The following SYNJ2 variants were observed in gnomAD, a reference collection of about 807,000 sequenced individuals.
SYNJ2 encodes synaptojanin 2.
A neutral mutation model predicts 141.3 loss-of-function variants in SYNJ2; 116 were observed. That is an observed-to-expected ratio of 0.82 (90% CI 0.71 to 0.96). SYNJ2 has a LOEUF of 0.96. Ranked by LOEUF, SYNJ2 falls within the 40% of genes least tolerant of loss-of-function variation. The pLI is 0.00. For synonymous variants in SYNJ2, 745 were observed against 777.7 expected (o/e 0.96, Z 0.70); for missense variants, 1,873 against 1,934.8 (o/e 0.97, Z 0.60).
In SYNJ2 at chr6:158,035,375, A is replaced by G. The variant is rs184202260; in HGVS notation, c.711+1695A>G. On this transcript the variant is annotated intron_variant, in intron 4 of 26. Transcript: ENST00000355585. ...CTTTGAGCAGTGTTTTGTAATTCTC[A>G]TTGTAGAGATCTTTCACCTCCCTCA... 1.2e-4 allele frequency among the ~76,000 whole-genome samples: 19 copies of G among 152,202 alleles called. No individual in the cohort carries two copies. The East Asian group carries it at 3.1e-3, about 25-fold the overall frequency.
rs1221315298 is a variant in SYNJ2, at chr6:158,043,806, G to A, written c.795+407G>A. Among the ~76,000 whole-genome samples, 2 of 152,176 alleles carry A rather than the reference G, an allele frequency of 1.3e-5. No homozygotes were observed. The highest frequency in any genetic ancestry group is 2.4e-5 in the African/African-American group (1 of 41,446). ...GGCTTCAGGAAGGCTCTGTGGCTGC[G>A]TAGGTCTGGCACCCGGTGCTGCCTG... is the stretch of plus-strand genomic sequence containing the variant. On this transcript the variant is annotated intron_variant, in intron 5 of 26. Transcript: ENST00000355585. This position sits in a 1 kb window ranked among gnomAD's most constrained non-coding sequence, Gnocchi z 4.0.
intron 2 of SYNJ2, 88 bp downstream of exon 2, chr6:158,017,378 C>T (rs537877786): frequency 8.9e-7 from 1 of 1,125,532 alleles, no homozygotes; most frequent in East Asian, 2.9e-5. Context: ...TGCAGGCATT[C>T]TGTTTGACCG....
chr6:158,051,105 T>C (rs888650419), intron 5 of SYNJ2, among the ~76,000 whole-genome samples: 17 of 152,288 alleles, frequency 1.1e-4, no homozygotes, highest in African/African-American at 4.1e-4. Flanking sequence ...GGGTTATGAC[T>C]CAGGGAGAGA....
intron 4 of SYNJ2, among the ~76,000 whole-genome samples, chr6:158,035,310 T>C (rs1194412065): frequency 6.6e-6 from 1 of 152,250 alleles, no homozygotes; most frequent in Non-Finnish European, 1.5e-5. Flanking sequence ...TTCTTATCCA[T>C]GAGGATGGAA....
chr6:157,984,315 A>G (rs1777119064), intron 1 of SYNJ2, among the ~76,000 whole-genome samples: 1 of 152,256 alleles, frequency 6.6e-6, no homozygotes, highest in Admixed American at 6.5e-5. Context: ...ACTATTGGAT[A>G]AAATGGCTCT....
Position 158,070,037 on chromosome 6 carries a change from T to G in SYNJ2, c.1940+364T>G. 1.5e-6 allele frequency: 1 copy of G among 671,688 alleles called. No individual in the cohort carries two copies. The highest frequency in any genetic ancestry group is 1.9e-6 in the Non-Finnish European group (1 of 538,498). The allele number at this position is 671,688 out of a possible 1,614,324, so 41.6% of individuals were successfully genotyped here. On this transcript the variant is annotated intron_variant, in intron 14 of 26. Coordinates refer to ENST00000355585, the MANE Select transcript of SYNJ2 (RefSeq NM_003898.4). The surrounding 1 kb of genome is among the most constrained non-coding windows in gnomAD (Gnocchi z 4.0). ...ACTCACTGGGAAATGCCAACTCTTT[T>G]GTCCCTTTTTAAAAGAATTCTAAGT... is the stretch of plus-strand genomic sequence containing the variant.
At chr6:158,020,139 A>C (rs1778680894) in intron 2 of SYNJ2, among the ~76,000 whole-genome samples, 1 of 124,960 alleles carries the variant, frequency 8.0e-6, no homozygotes. Context: ...ACTCTGCGTG[A>C]CTCCAACTGT....
intron 1 of SYNJ2, among the ~76,000 whole-genome samples, chr6:158,008,819 C>G (rs957466633): frequency 6.6e-6 from 1 of 152,236 alleles, no homozygotes; most frequent in Non-Finnish European, 1.5e-5. Flanking sequence ...TTCCTTCTCT[C>G]CTTGTTCCTC....
rs933229141 is a variant in SYNJ2 at position 158,059,554 on chromosome 6, TTC to T, written c.954+203_954+204del. 6.1e-6 allele frequency: 8 copies of T among 1,320,330 alleles called. No individual in the cohort carries two copies. The African/African-American group carries it at 7.6e-5, about 13-fold the overall frequency. The allele number at this position is 1,320,330 out of a possible 1,614,324, so 81.8% of individuals were successfully genotyped here. A position where few individuals can be genotyped will look rare whatever the true frequency, so the allele number is the denominator to read the frequency against. On this transcript the variant is annotated intron_variant, in intron 7 of 26. Transcript: ENST00000355585. ...CCTGATACAGTGAGTGTAATTTCTT[TTC>T]TTTTTTTTTTTTTTTAAGACAGAGT...
Position 158,074,900 on chromosome 6 carries a change from G to A in SYNJ2, c.2292+162G>A, listed in dbSNP as rs117298670. Among the ~76,000 whole-genome samples the A allele has an allele frequency of 2.0e-3, 297 of 147,024 alleles. 10 individuals are homozygous for A. The East Asian group carries it at 0.045, about 22-fold the overall frequency. ...CTTGTGAGGTTACAGTACAGGAGTG[G>A]CTGTTCATACACACTTCCTGTCCTT... is the stretch of plus-strand genomic sequence containing the variant. On this transcript the variant is annotated intron_variant, in intron 16 of 26. Coordinates refer to ENST00000355585, the MANE Select transcript of SYNJ2 (RefSeq NM_003898.4).
At chr6:157,984,028 G>A (rs1777109042) in intron 1 of SYNJ2, among the ~76,000 whole-genome samples, 1 of 151,880 alleles carries the variant, frequency 6.6e-6, no homozygotes, top group African/African-American at 2.4e-5. Flanking sequence ...TTTAAATGGG[G>A]TCTTACTATG....
At position 158,076,727 on chromosome 6, in the gene SYNJ2, C is replaced by A; in HGVS notation, c.2394C>A (p.Pro798=). The change falls in exon 17 of 27, where the codon CCC becomes CCA. Residue 798 remains proline, a synonymous_variant. Coordinates refer to ENST00000355585, the MANE Select transcript of SYNJ2 (RefSeq NM_003898.4). ...AYDTSDKCRT[P]AWTDRVLWWR... is the part of the protein sequence containing the mutation. Reference sequence around the variant, plus strand: ...ATACAAGCGACAAATGCCGCACCCCCGCCTGGACAGACAGGGTGCTGTGGT... The same window carrying A: ...ATACAAGCGACAAATGCCGCACCCCAGCCTGGACAGACAGGGTGCTGTGGT... 1 of 1,614,200 alleles carries A rather than the reference C, an allele frequency of 6.2e-7. No individual in the cohort carries two copies. Among genetic ancestry groups the A allele is most frequent in the African/African-American group, 1.3e-5 (1 of 75,044 alleles).
In SYNJ2 at chr6:158,043,944, G is replaced by C. The variant is rs2128345292; in HGVS notation, c.795+545G>C. ...GAGAGATTTGGCATTCTTTCTCCTG[G>C]GAAGAGCACAGGGTGGGGACACATT... On this transcript the variant is annotated intron_variant, in intron 5 of 26. Transcript: ENST00000355585. The surrounding 1 kb of genome is among the most constrained non-coding windows in gnomAD (Gnocchi z 4.0). 6.6e-6 allele frequency among the ~76,000 whole-genome samples: 1 copy of C among 152,296 alleles called. No homozygotes were observed. Among genetic ancestry groups the C allele is most frequent in the South Asian group, 2.1e-4 (1 of 4,818 alleles).
chr6:158,029,042 C>CCATGCAGAGGGTGGGCCCTGGGTCT lies in SYNJ2; in HGVS notation c.485+17_485+18insATGCAGAGGGTGGGCCCTGGGTCTC. ...CCTTCTTCTGGTGAGGCCCTGGGTC[C>CCATGCAGAGGGTGGGCCCTGGGTCT]CCTGCAGAGGGTGGGCCCTGGGTCT... On this transcript the variant is annotated intron_variant, in intron 3 of 26. Transcript: ENST00000355585. 6.4e-7 allele frequency: 1 copy of CCATGCAGAGGGTGGGCCCTGGGTCT among 1,560,662 alleles called. No homozygotes were observed. Among genetic ancestry groups the CCATGCAGAGGGTGGGCCCTGGGTCT allele is most frequent in the South Asian group, 1.2e-5 (1 of 83,682 alleles).
rs1783182368 is a variant in SYNJ2, at chr6:158,088,033, AATT to A, written c.3344-626_3344-624del. ...TTAACAGTTTATTCCCCTGCTTTGG[AATT>A]TTTTTTTTTTTTTTTTTTTTTTTTT... On this transcript the variant is annotated intron_variant, in intron 23 of 26. Transcript: ENST00000355585. Among the ~76,000 whole-genome samples the A allele has an allele frequency of 3.8e-4, 14 of 36,864 alleles. 1 individual carries two copies. The highest frequency in any genetic ancestry group is 1.3e-3 in the South Asian group (1 of 778). The allele number at this position is 36,864 out of a possible 152,430, so 24.2% of individuals were successfully genotyped here. A position where few individuals can be genotyped will look rare whatever the true frequency, so the allele number is the denominator to read the frequency against.
chr6:158,093,457 A>AAAC (rs1562413604), intron 26 of SYNJ2, among the ~76,000 whole-genome samples: 12 of 151,322 alleles, frequency 7.9e-5, no homozygotes, highest in African/African-American at 2.9e-4. Context: ...AAACAAAAAA[A>AAAC]AAAAAACAGA....
In SYNJ2 at chr6:158,042,545, C is replaced by T. The variant is rs74399203; in HGVS notation, c.712-771C>T. ...CATCTGATAAGTGTCGCCGCCTGCC[C>T]CTGCTGGCGCTCAGGATCGTACTTC... is the stretch of plus-strand genomic sequence containing the variant. On this transcript the variant is annotated intron_variant, in intron 4 of 26. Transcript: ENST00000355585. Among the ~76,000 whole-genome samples, 455 of 152,380 alleles carry T rather than the reference C, an allele frequency of 3.0e-3. 2 individuals carry two copies. The highest frequency in any genetic ancestry group is 0.01 in the African/African-American group (434 of 41,586).
intron 1 of SYNJ2, among the ~76,000 whole-genome samples, chr6:158,013,518 G>A (rs1562323463): frequency 2.0e-5 from 3 of 152,204 alleles, no homozygotes; most frequent in Non-Finnish European, 2.9e-5. Context: ...TTCACATTAA[G>A]GCTGATGAAT....
At chr6:158,045,072 CCTCTGACT>C (rs1035461718) in intron 5 of SYNJ2, among the ~76,000 whole-genome samples, 1 of 151,018 alleles carries the variant, frequency 6.6e-6, no homozygotes, top group Non-Finnish European at 1.5e-5. Context: ...TCCATTCCAC[CCTCTGACT>C]CTCAGTTCAG....
Sources: gnomAD v4.1 joint callset for allele counts (sites outside exome capture counted in the v4.1 genomes callset) on GRCh38, gnomAD v4.1.1 for gene constraint, Gnocchi (gnomAD v3.1) non-coding constraint, MANE v1.5 for transcripts, NCBI Gene and HGNC (gene_info 2026-07-23, HGNC 2026-07-21) for gene names.